NAALADL2: variants seen among roughly 807,000 people sequenced by gnomAD.
NAALADL2 encodes N-acetylated alpha-linked acidic dipeptidase like 2.
In NAALADL2, 76 loss-of-function variants were observed where a neutral mutation model predicts 87.2. That is an observed-to-expected ratio of 0.87 (90% confidence interval 0.72 to 1.05). The LOEUF (loss-of-function observed/expected upper bound fraction) is 1.05. NAALADL2 is among the 50% of genes least tolerant of loss of function. The pLI, the probability that NAALADL2 is intolerant of heterozygous loss-of-function variation, is 0.00. For synonymous variants in NAALADL2, 354 were observed against 331.0 expected, an observed-to-expected ratio of 1.07 and a Z score of -0.75; for missense variants, 1,089 against 945.8, an observed-to-expected ratio of 1.15 and a Z score of -1.99.
intron 1 of NAALADL2, among the ~76,000 whole-genome samples, chr3:174,969,897 A>G (rs922772578): frequency 2.6e-5 from 4 of 152,222 alleles, no homozygotes; most frequent in African/African-American, 9.6e-5. Flanking sequence ...TCTTCATAAA[A>G]TAGAATCAAG....
intron 2 of NAALADL2, among the ~76,000 whole-genome samples, chr3:174,599,148 G>C (rs1432018200): frequency 3.9e-5 from 6 of 152,106 alleles, no homozygotes; most frequent in Non-Finnish European, 5.9e-5. Flanking sequence ...CCTGCTTCTT[G>C]CTGTTTTGCT....
At chr3:175,108,044 G>A (rs1366774234) in intron 2 of NAALADL2, among the ~76,000 whole-genome samples, 4 of 151,810 alleles carry the variant, frequency 2.6e-5, no homozygotes, top group Non-Finnish European at 4.4e-5. Context: ...TGGGAAATCA[G>A]TTTCTGTCTT....
chr3:175,375,986 AT>A (rs1329455690), intron 5 of NAALADL2, among the ~76,000 whole-genome samples: 1 of 152,124 alleles, frequency 6.6e-6, no homozygotes, highest in Admixed American at 6.5e-5. Flanking sequence ...CAGTCTACAA[AT>A]AAGTTGTTTT....
chr3:175,028,139 G>C (rs1380640026), intron 1 of NAALADL2, among the ~76,000 whole-genome samples: 1 of 151,912 alleles, frequency 6.6e-6, no homozygotes, highest in Non-Finnish European at 1.5e-5. Context: ...AGTAAACAAG[G>C]CTAGTTGATC....
intron 1 of NAALADL2, among the ~76,000 whole-genome samples, chr3:174,957,967 T>C (rs1018095096): frequency 1.3e-5 from 2 of 151,954 alleles, no homozygotes; most frequent in Admixed American, 1.3e-4. Context: ...TTTGTTAATG[T>C]AGTTTCCTTT....
At chr3:175,440,272 G>A (rs1719508557) in intron 5 of NAALADL2, among the ~76,000 whole-genome samples, 1 of 152,146 alleles carries the variant, frequency 6.6e-6, no homozygotes, top group African/African-American at 2.4e-5. Context: ...GTATCATGCT[G>A]TTTTGGTGAC....
At chr3:175,318,653 A>G (rs1222942831) in intron 4 of NAALADL2, among the ~76,000 whole-genome samples, 1 of 152,198 alleles carries the variant, frequency 6.6e-6, no homozygotes, top group Admixed American at 6.5e-5. Flanking sequence ...CTATTGAGGC[A>G]TATTTTGCAT....
intron 11 of NAALADL2, among the ~76,000 whole-genome samples, chr3:175,648,568 G>T (rs1174277161): frequency 4.1e-5 from 6 of 145,758 alleles, no homozygotes; most frequent in African/African-American, 7.7e-5. Context: ...TTGAATATGT[G>T]CCAATGTCAC....
At chr3:175,198,379 C>G (rs1329561177) in intron 2 of NAALADL2, among the ~76,000 whole-genome samples, 1 of 151,748 alleles carries the variant, frequency 6.6e-6, no homozygotes, top group Non-Finnish European at 1.5e-5. Flanking sequence ...TAACCTTTAC[C>G]TGGATGAATG....
intron 9 of NAALADL2, among the ~76,000 whole-genome samples, chr3:175,567,718 CTTT>C (rs536353071): frequency 6.5e-5 from 9 of 138,158 alleles, no homozygotes; most frequent in Admixed American, 7.3e-5. Flanking sequence ...TTTTTCTTTT[CTTT>C]TTTTTTTTTT....
chr3:175,043,653 T>C (rs1754347234), intron 1 of NAALADL2, among the ~76,000 whole-genome samples: 1 of 152,176 alleles, frequency 6.6e-6, no homozygotes, highest in African/African-American at 2.4e-5. Context: ...CCACATTGTG[T>C]ATTTTTGGTG....
chr3:175,275,752 G>C (rs1341629746), intron 4 of NAALADL2, among the ~76,000 whole-genome samples: 2 of 151,726 alleles, frequency 1.3e-5, no homozygotes, highest in Non-Finnish European at 2.9e-5. Context: ...AAAATGCAAA[G>C]AACAAATAGG....
chr3:174,818,137 C>T (rs532238766), intron 3 of NAALADL2, among the ~76,000 whole-genome samples: 26 of 152,218 alleles, frequency 1.7e-4, no homozygotes, highest in African/African-American at 5.8e-4. Context: ...ATCTTTACCC[C>T]GTTGTGTCCT....
At chr3:175,628,156 C>T (rs1026976535) in intron 11 of NAALADL2, among the ~76,000 whole-genome samples, 1 of 151,702 alleles carries the variant, frequency 6.6e-6, no homozygotes, top group Non-Finnish European at 1.5e-5. Context: ...ATCAAGTACC[C>T]ATACAACCAT....
Position 175,186,877 on chromosome 3 carries a change from G to A in NAALADL2, c.546-47054G>A, listed in dbSNP as rs185131410. On this transcript the variant is annotated intron_variant, in intron 2 of 13. Transcript: ENST00000454872. ...CCTTTCTCGAGTGCTCAGAGCCCTGGTAGTTTTATTTCATGCAATAGGGAA... is the reference window on the plus strand; with the variant it reads ...CCTTTCTCGAGTGCTCAGAGCCCTGATAGTTTTATTTCATGCAATAGGGAA... 1.0e-3 allele frequency among the ~76,000 whole-genome samples: 152 copies of A among 152,038 alleles called. 1 individual carries two copies. Among genetic ancestry groups the A allele is most frequent in the Non-Finnish European group, 1.7e-3 (117 of 67,980 alleles).
At chr3:175,006,104 C>G (rs1748987883) in intron 1 of NAALADL2, among the ~76,000 whole-genome samples, 1 of 152,126 alleles carries the variant, frequency 6.6e-6, no homozygotes, top group South Asian at 2.1e-4. Context: ...CCTTATGGTT[C>G]CCACCTGGAA....
At chr3:174,850,138 C>T (rs936369239) in intron 3 of NAALADL2, among the ~76,000 whole-genome samples, 3 of 152,054 alleles carry the variant, frequency 2.0e-5, no homozygotes, top group Admixed American at 1.3e-4. Context: ...ATTTCTCCCT[C>T]ATGTTCGAAG....
intron 1 of NAALADL2, among the ~76,000 whole-genome samples, chr3:174,886,013 A>ACGC (rs1730103545): frequency 6.8e-6 from 1 of 146,362 alleles, no homozygotes; most frequent in Admixed American, 7.0e-5. Flanking sequence ...TCCTGGGTTC[A>ACGC]CGCCATTCTC....
chr3:174,898,193 A>G (rs1312904495), intron 1 of NAALADL2, among the ~76,000 whole-genome samples: 4 of 147,326 alleles, frequency 2.7e-5, no homozygotes, highest in African/African-American at 2.5e-5. Context: ...GCAGAATTGG[A>G]GATTATTATG....
Sources: allele counts gnomAD v4.1 joint callset (sites outside exome capture counted in the v4.1 genomes callset), GRCh38; gene constraint gnomAD v4.1.1; transcripts MANE v1.5; gene names NCBI Gene and HGNC (gene_info 2026-07-23, HGNC 2026-07-21).